MAGI2: variants seen among roughly 807,000 people sequenced by gnomAD.
MAGI2 encodes membrane-associated guanylate kinase, WW and PDZ domain-containing protein 2.
In MAGI2, 35 loss-of-function variants were observed where a neutral mutation model predicts 133.3. The ratio of observed to expected loss-of-function variants is 0.26; its 90% CI spans 0.20 to 0.35. The LOEUF (loss-of-function observed/expected upper bound fraction) is 0.35, where lower values mean the gene tolerates loss of function less well. Among genes scored for constraint, MAGI2 ranks in the 10% least tolerant of loss-of-function variants. MAGI2 has a pLI of 1.00. For synonymous variants in MAGI2, 729 were observed against 710.6 expected (o/e 1.03, Z -0.41); for missense variants, 1,636 against 1,863.4 (o/e 0.88, Z 2.25).
intron 9 of MAGI2, among the ~76,000 whole-genome samples, chr7:78,342,675 T>G (rs566413468): frequency 6.6e-6 from 1 of 152,312 alleles, no homozygotes; most frequent in South Asian, 2.1e-4. Context: ...TCGATGAAGC[T>G]GGAAATCATC....
chr7:78,236,044 T>TTC (rs1790505914), intron 10 of MAGI2, among the ~76,000 whole-genome samples: 1 of 145,124 alleles, frequency 6.9e-6, no homozygotes, highest in African/African-American at 2.5e-5. Context: ...TTTTTTTTTT[T>TTC]CTGAGTGAGG....
chr7:78,520,272 A>G (rs1344210442), intron 4 of MAGI2, among the ~76,000 whole-genome samples: 1 of 152,188 alleles, frequency 6.6e-6, no homozygotes, highest in African/African-American at 2.4e-5. Context: ...TTCAATGAAG[A>G]ACACCTTTAT....
At chr7:78,857,577 C>G (rs571442970) in intron 2 of MAGI2, among the ~76,000 whole-genome samples, 1 of 152,258 alleles carries the variant, frequency 6.6e-6, no homozygotes, top group Non-Finnish European at 1.5e-5. Flanking sequence ...ATATGTTGAA[C>G]CAGCCTTGCA....
At chr7:78,922,464 T>C (rs1242941000) in intron 2 of MAGI2, among the ~76,000 whole-genome samples, 3 of 151,758 alleles carry the variant, frequency 2.0e-5, no homozygotes, top group Non-Finnish European at 4.4e-5. Flanking sequence ...GTCCTTGCGA[T>C]AGTTTACTGA....
At position 78,881,605 on chromosome 7, in the gene MAGI2, T is replaced by C. The variant is rs115007278; in HGVS notation, c.418+125485A>G. On this transcript the variant is annotated intron_variant, in intron 2 of 21. Transcript: ENST00000354212. ...TAAAAAATCAAAATCATTTCAACCA[T>C]ACTCTCAAACCACAGTGGAATAAAA... Among the ~76,000 whole-genome samples, 168 of 152,148 alleles carry C rather than the reference T, an allele frequency of 1.1e-3. 2 individuals are homozygous for C. Among genetic ancestry groups the C allele is most frequent in the African/African-American group, 3.8e-3 (159 of 41,528 alleles).
At chr7:79,078,461 A>T (rs908649760) in intron 1 of MAGI2, among the ~76,000 whole-genome samples, 15 of 152,196 alleles carry the variant, frequency 9.9e-5, no homozygotes, top group Admixed American at 9.2e-4. Context: ...TATCTACCAA[A>T]GGTATATTTA....
intron 3 of MAGI2, among the ~76,000 whole-genome samples, chr7:78,610,377 C>CTACA (rs1431390291): frequency 3.3e-5 from 5 of 152,168 alleles, no homozygotes; most frequent in Admixed American, 6.5e-5. Context: ...AAAACCATCA[C>CTACA]TACATAGTAT....
intron 6 of MAGI2, among the ~76,000 whole-genome samples, chr7:78,421,369 A>T (rs1798780333): frequency 6.6e-6 from 1 of 152,248 alleles, no homozygotes; most frequent in South Asian, 2.1e-4. Flanking sequence ...TGAGGTGGTT[A>T]ACAATTATTG....
chr7:78,974,605 C>G (rs998773677), intron 2 of MAGI2, among the ~76,000 whole-genome samples: 7 of 151,762 alleles, frequency 4.6e-5, no homozygotes, highest in Non-Finnish European at 1.0e-4. Flanking sequence ...AATATTAACT[C>G]TTCATTTTTA....
intron 3 of MAGI2, among the ~76,000 whole-genome samples, chr7:78,573,035 G>GTGTATA (rs1269123284): frequency 2.4e-3 from 75 of 31,678 alleles, no homozygotes; most frequent in South Asian, 3.4e-3. Flanking sequence ...GCATATGTAT[G>GTGTATA]TATATATATA....
chr7:79,118,507 C>T (rs1819598919), intron 1 of MAGI2, among the ~76,000 whole-genome samples: 1 of 152,102 alleles, frequency 6.6e-6, no homozygotes. Context: ...TTTACTTAAA[C>T]TTCCAATACA....
At chr7:78,358,305 A>G (rs1792377162) in intron 7 of MAGI2, 1 of 148,458 alleles carries the variant, frequency 6.7e-6, no homozygotes, top group African/African-American at 2.5e-5. Flanking sequence ...GAAAGACAGA[A>G]CCTGGTGCTC....
chr7:78,725,085 C>T (rs149069899), intron 2 of MAGI2, among the ~76,000 whole-genome samples: 1,555 of 152,254 alleles, frequency 0.01, 14 homozygotes, highest in Middle Eastern at 0.037. Context: ...ATTAAAACAA[C>T]GTTGCATTTT....
intron 21 of MAGI2, among the ~76,000 whole-genome samples, chr7:78,023,330 C>T (rs2151041126): frequency 6.6e-6 from 1 of 152,302 alleles, no homozygotes; most frequent in African/African-American, 2.4e-5. Flanking sequence ...CGATGTTTTT[C>T]TCCTTCCTGC....
At chr7:78,720,150 A>C (rs1820124448) in intron 2 of MAGI2, among the ~76,000 whole-genome samples, 1 of 152,178 alleles carries the variant, frequency 6.6e-6, no homozygotes, top group African/African-American at 2.4e-5. Flanking sequence ...ACTATATATA[A>C]AATTACAAAT....
In MAGI2 at chr7:78,291,720, G is replaced by A. The variant is rs1391811718; in HGVS notation, c.1409-35139C>T. Among the ~76,000 whole-genome samples, 10 of 152,198 alleles carry A rather than the reference G, an allele frequency of 6.6e-5. No homozygotes were observed. The East Asian group carries it at 1.9e-3, about 29-fold the overall frequency. ...CAAACCGAATCCAGCAGCACATCAA[G>A]AAGCTTCTCCACCATGATCAAGTGG... On this transcript the variant is annotated intron_variant, in intron 9 of 21. Coordinates refer to ENST00000354212, the MANE Select transcript of MAGI2 (RefSeq NM_012301.4).
chr7:78,417,870 T>G (rs1798443441), intron 6 of MAGI2, among the ~76,000 whole-genome samples: 1 of 152,178 alleles, frequency 6.6e-6, no homozygotes, highest in Admixed American at 6.5e-5. Context: ...AGCTCTGAAA[T>G]TAGGATGTGT....
At chr7:78,830,483 T>A (rs1170885499) in intron 2 of MAGI2, among the ~76,000 whole-genome samples, 3 of 152,216 alleles carry the variant, frequency 2.0e-5, no homozygotes, top group Non-Finnish European at 4.4e-5. Flanking sequence ...TTCCACTCCA[T>A]TCTGCATCCA....
chr7:78,538,350 T>C (rs548826650), intron 3 of MAGI2, among the ~76,000 whole-genome samples: 1 of 152,338 alleles, frequency 6.6e-6, no homozygotes, highest in Non-Finnish European at 1.5e-5. Context: ...TTGTCTTTTC[T>C]AGTTCTGTGA....
Sources: gnomAD v4.1 joint callset for allele counts (sites outside exome capture counted in the v4.1 genomes callset) on GRCh38, gnomAD v4.1.1 for gene constraint, MANE v1.5 for transcripts, NCBI Gene and HGNC (gene_info 2026-07-23, HGNC 2026-07-21) for gene names.